The following SGCZ variants were observed in gnomAD, a reference collection of about 807,000 sequenced individuals.
The protein encoded by SGCZ is zeta-sarcoglycan.
Under a neutral mutation model 41.3 loss-of-function variants are expected in SGCZ, and 40 were observed. The observed-to-expected ratio is 0.97, with a 90% CI of 0.75 to 1.26. The LOEUF is 1.26. SGCZ is among the 50% of genes most tolerant of loss of function. The pLI, the probability that SGCZ is intolerant of heterozygous loss-of-function variation, is 0.00. For synonymous variants in SGCZ, 206 were observed against 137.5 expected (o/e 1.50, Z -3.49); for missense variants, 552 against 369.8 (o/e 1.49, Z -4.04).
At chr8:14,869,619 T>A (rs573169250) in intron 1 of SGCZ, among the ~76,000 whole-genome samples, 2 of 152,184 alleles carry the variant, frequency 1.3e-5, no homozygotes, top group East Asian at 3.8e-4. Flanking sequence ...AAATGAAGTG[T>A]ATTCAAATAG....
chr8:14,628,707 C>A (rs1806544616), intron 1 of SGCZ, among the ~76,000 whole-genome samples: 1 of 152,048 alleles, frequency 6.6e-6, no homozygotes, highest in Admixed American at 6.6e-5. Context: ...TATCAAACTG[C>A]TTTTCATTTT....
At chr8:14,774,393 G>T (rs192426431) in intron 1 of SGCZ, among the ~76,000 whole-genome samples, 29 of 152,172 alleles carry the variant, frequency 1.9e-4, no homozygotes, top group East Asian at 3.9e-4. Context: ...AACATACTCC[G>T]CAACAGGCTA....
intron 1 of SGCZ, among the ~76,000 whole-genome samples, chr8:15,026,405 G>A (rs1467975130): frequency 6.6e-6 from 1 of 152,098 alleles, no homozygotes; most frequent in Admixed American, 6.5e-5. Flanking sequence ...TTGAAATGCT[G>A]GTGTAGTGTT....
rs374229152 is a variant in SGCZ at position 15,133,295 on chromosome 8, T to A, written c.39+104290A>T. Among the ~76,000 whole-genome samples, 21 of 152,328 alleles carry A rather than the reference T, an allele frequency of 1.4e-4. No individual in the cohort carries two copies. The East Asian group carries it at 3.3e-3, about 24-fold the overall frequency. The stretch of plus-strand genomic sequence containing the variant: ...AAACTCTTCTTCTTAGAGTTATAAA[T>A]GTAACACAAGTATTAGCCACTTTGT... On this transcript the variant is annotated intron_variant, in intron 1 of 7. Coordinates refer to ENST00000382080, the MANE Select transcript of SGCZ (RefSeq NM_139167.4).
chr8:14,917,325 C>T (rs1799465554), intron 1 of SGCZ, among the ~76,000 whole-genome samples: 4 of 151,292 alleles, frequency 2.6e-5, no homozygotes, highest in Admixed American at 2.6e-4. Flanking sequence ...ATTTTTTTTG[C>T]AACTGACCTA....
At chr8:15,221,461 T>C (rs781572990) in intron 1 of SGCZ, among the ~76,000 whole-genome samples, 1 of 152,204 alleles carries the variant, frequency 6.6e-6, no homozygotes, top group Non-Finnish European at 1.5e-5. Flanking sequence ...GTACCGCACT[T>C]GGTGAACTAA....
At chr8:14,906,718 T>C (rs972399024) in intron 1 of SGCZ, among the ~76,000 whole-genome samples, 11 of 152,190 alleles carry the variant, frequency 7.2e-5, no homozygotes, top group African/African-American at 2.7e-4. Context: ...GAACTTGGCG[T>C]GAGGCACACA....
chr8:14,794,677 G>T lies in SGCZ; in HGVS notation c.40-239751C>A, dbSNP rs185515607. On this transcript the variant is annotated intron_variant, in intron 1 of 7. Transcript: ENST00000382080. ...ATTTCCCAAGACTGAAAGGTATAGGGTCCAGACTGAAAAGTTCCAACGCAA... is the reference window on the plus strand; with the variant it reads ...ATTTCCCAAGACTGAAAGGTATAGGTTCCAGACTGAAAAGTTCCAACGCAA... Among the ~76,000 whole-genome samples, 238 of 152,246 alleles carry T rather than the reference G, an allele frequency of 1.6e-3. 1 individual carries two copies. Among genetic ancestry groups the T allele is most frequent in the Non-Finnish European group, 1.3e-4 (9 of 68,000 alleles).
chr8:14,997,036 G>C (rs897982278), intron 1 of SGCZ, among the ~76,000 whole-genome samples: 30 of 152,084 alleles, frequency 2.0e-4, no homozygotes, highest in African/African-American at 6.8e-4. Flanking sequence ...CTTTTTGAAG[G>C]CTCTAATGTC....
At chr8:15,016,603 G>A (rs1486517521) in intron 1 of SGCZ, among the ~76,000 whole-genome samples, 1 of 152,186 alleles carries the variant, frequency 6.6e-6, no homozygotes, top group African/African-American at 2.4e-5. Context: ...TCTATACTAG[G>A]TTAAGAGCAT....
intron 1 of SGCZ, among the ~76,000 whole-genome samples, chr8:15,235,975 T>A (rs1449020578): frequency 6.6e-6 from 1 of 152,174 alleles, no homozygotes; most frequent in Admixed American, 6.5e-5. Flanking sequence ...AGGCAATGTG[T>A]CCTATCGGAG....
At chr8:14,840,230 C>T (rs974939932) in intron 1 of SGCZ, among the ~76,000 whole-genome samples, 10 of 152,072 alleles carry the variant, frequency 6.6e-5, no homozygotes, top group African/African-American at 2.4e-4. Context: ...GAGTGTTAAT[C>T]AGGGTTGCCA....
intron 1 of SGCZ, among the ~76,000 whole-genome samples, chr8:14,745,297 T>A (rs185306095): frequency 6.6e-6 from 1 of 152,124 alleles, no homozygotes; most frequent in Non-Finnish European, 1.5e-5. Flanking sequence ...AGGTGCCAAA[T>A]GCATGGCAGT....
At chr8:14,309,160 TA>T (rs1801443118) in intron 3 of SGCZ, 2 of 1,474,224 alleles carry the variant, frequency 1.4e-6, no homozygotes, top group Non-Finnish European at 1.9e-6. Flanking sequence ...TCTGGTTTTT[TA>T]AAAACGAAAA....
chr8:14,901,990 A>G (rs1798985928), intron 1 of SGCZ, among the ~76,000 whole-genome samples: 1 of 152,330 alleles, frequency 6.6e-6, no homozygotes, highest in African/African-American at 2.4e-5. Flanking sequence ...ACTAACTGGT[A>G]TAACATATCA....
At chr8:14,498,261 T>C (rs1052761812) in intron 2 of SGCZ, among the ~76,000 whole-genome samples, 3 of 152,182 alleles carry the variant, frequency 2.0e-5, no homozygotes, top group African/African-American at 7.2e-5. Flanking sequence ...ATAGTTCTTC[T>C]AGAGTTTAAT....
intron 1 of SGCZ, among the ~76,000 whole-genome samples, chr8:14,815,650 T>A (rs1401431239): frequency 6.6e-6 from 1 of 152,206 alleles, no homozygotes; most frequent in African/African-American, 2.4e-5. Flanking sequence ...CTGTTCAAAC[T>A]ACTATGTCAT....
At chr8:15,088,663 GT>G (rs1326373922) in intron 1 of SGCZ, among the ~76,000 whole-genome samples, 1 of 151,562 alleles carries the variant, frequency 6.6e-6, no homozygotes, top group African/African-American at 2.4e-5. Flanking sequence ...GAAAACTGTT[GT>G]CCCTTGCTGA....
intron 4 of SGCZ, among the ~76,000 whole-genome samples, chr8:14,177,761 T>A (rs957117022): frequency 6.7e-6 from 1 of 149,586 alleles, no homozygotes; most frequent in African/African-American, 2.5e-5. Context: ...CCTGACCTCG[T>A]GATCCATTCG....
Sources: gnomAD v4.1 joint callset for allele counts (sites outside exome capture counted in the v4.1 genomes callset) on GRCh38, gnomAD v4.1.1 for gene constraint, MANE v1.5 for transcripts, NCBI Gene and HGNC (gene_info 2026-07-23, HGNC 2026-07-21) for gene names.